The following PCDHA6 variants were observed in gnomAD, a reference collection of about 807,000 sequenced individuals.
The protein encoded by PCDHA6 is protocadherin alpha-6.
A neutral mutation model predicts 60.3 loss-of-function variants in PCDHA6; 55 were observed. That is an observed-to-expected ratio of 0.91 (90% confidence interval 0.73 to 1.14). The LOEUF is 1.14. PCDHA6 is among the 50% of genes most tolerant of loss of function. The pLI is 0.00. For synonymous variants in PCDHA6, 652 were observed against 557.9 expected (o/e 1.17, Z -2.38); for missense variants, 1,327 against 1,256.5 (o/e 1.06, Z -0.85).
Position 140,977,158 on chromosome 5 carries a change from A to G in PCDHA6, c.2395-1791A>G, listed in dbSNP as rs6862693. Among the ~76,000 whole-genome samples, 983 of 152,340 alleles carry G rather than the reference A, an allele frequency of 6.5e-3. 6 individuals carry two copies. The highest frequency in any genetic ancestry group is 0.023 in the African/African-American group (951 of 41,586). ...CAGTCCTGCTGGAACTGTGCCTTTC[A>G]GCAAAATGAGTTTGATGATTTCATT... On this transcript the variant is annotated intron_variant, in intron 1 of 3. Transcript: ENST00000529310.
Position 140,829,296 on chromosome 5 carries a change from A to G in PCDHA6, c.1205A>G (p.Lys402Arg). 6 of 1,614,222 alleles carry G rather than the reference A, an allele frequency of 3.7e-6. No individual in the cohort carries two copies. Among genetic ancestry groups the G allele is most frequent in the Non-Finnish European group, 5.1e-6 (6 of 1,180,046 alleles). Residue 402 changes from lysine (K) to arginine (R), a missense_variant, in exon 1 of 4, where the codon AAG becomes AGG. By Grantham distance (26) the Lys-to-Arg change is conservative. Coordinates refer to ENST00000529310, the MANE Select transcript of PCDHA6 (RefSeq NM_018909.4). ...HVPFKLVSTF[K>R]NYYSLVLDSA... Reference sequence around the variant, plus strand: ...CCTTTCAAGCTGGTGTCCACCTTCAAGAATTACTACTCGTTGGTGCTGGAC... The same window carrying G: ...CCTTTCAAGCTGGTGTCCACCTTCAGGAATTACTACTCGTTGGTGCTGGAC...
At chr5:140,951,560 C>T (rs2094602519) in intron 1 of PCDHA6, among the ~76,000 whole-genome samples, 1 of 151,998 alleles carries the variant, frequency 6.6e-6, no homozygotes. Flanking sequence ...AAGTGCTACG[C>T]ACTTTTAAAC....
chr5:140,991,075 G>A (rs2097430816), intron 3 of PCDHA6, among the ~76,000 whole-genome samples: 1 of 152,134 alleles, frequency 6.6e-6, no homozygotes, highest in Non-Finnish European at 1.5e-5. Flanking sequence ...CCATGTTTCA[G>A]ATAAAAAAAT....
rs1434426263 is a variant in PCDHA6, at chr5:140,852,473, T to A, written c.2394+21988T>A. On this transcript the variant is annotated intron_variant, in intron 1 of 3. Coordinates refer to ENST00000529310, the MANE Select transcript of PCDHA6 (RefSeq NM_018909.4). ...TTGTATTTTTAGTAGAGATGGGGTT[T>A]CATCATGTTGGCCAGGTTGGTCTCG... 6 of 195,480 alleles carry A rather than the reference T, an allele frequency of 3.1e-5. 1 individual carries two copies. The highest frequency in any genetic ancestry group is 6.2e-5 in the Non-Finnish European group (6 of 97,540). 12.1% of individuals were successfully genotyped at this position (195,480 alleles called of 1,614,324 possible). A position where few individuals can be genotyped will look rare whatever the true frequency, so the allele number is the denominator to read the frequency against.
At chr5:140,969,513 A>G (rs2096339726) in intron 1 of PCDHA6, 1 of 1,417,106 alleles carries the variant, frequency 7.1e-7, no homozygotes, top group Non-Finnish European at 9.4e-7. Context: ...ATAGCACTAA[A>G]GAATTGTTTT....
intron 1 of PCDHA6, chr5:140,877,777 C>T: frequency 6.2e-7 from 1 of 1,614,172 alleles, no homozygotes; most frequent in South Asian, 1.1e-5. Context: ...CAAGACGGAC[C>T]TCATGGCCTT....
intron 1 of PCDHA6, among the ~76,000 whole-genome samples, chr5:140,832,286 G>A (rs1312628580): frequency 6.6e-6 from 1 of 152,184 alleles, no homozygotes; most frequent in Non-Finnish European, 1.5e-5. Flanking sequence ...AGCATGAATG[G>A]TGTATTTGCC....
intron 1 of PCDHA6, chr5:140,866,000 TAA>T (rs1485805064): frequency 6.6e-6 from 1 of 152,190 alleles, no homozygotes; most frequent in Non-Finnish European, 1.5e-5. Flanking sequence ...TTTTTTATGT[TAA>T]GTGATTTTTT....
chr5:140,883,075 T>A (rs969917261), intron 1 of PCDHA6: 8 of 1,614,134 alleles, frequency 5.0e-6, no homozygotes, highest in Non-Finnish European at 6.8e-6. Flanking sequence ...CCACAGATCC[T>A]GATGATGGTA....
At chr5:140,919,910 A>C (rs1350361054) in intron 1 of PCDHA6, among the ~76,000 whole-genome samples, 1 of 152,204 alleles carries the variant, frequency 6.6e-6, no homozygotes. Flanking sequence ...GGATGAAATT[A>C]CCCTAAATTT....
In PCDHA6 at chr5:140,857,614, G is replaced by A. The variant is rs1554150351; in HGVS notation, c.2394+27129G>A. ...GCAAGGTGTACGCGCTGCAGCCGCT[G>A]GACCACGAGGAGCTGGAGCTGCTAC... On this transcript the variant is annotated intron_variant, in intron 1 of 3. Transcript: ENST00000529310. 4 of 1,596,618 alleles carry A rather than the reference G, an allele frequency of 2.5e-6. 1 individual carries two copies. Among genetic ancestry groups the A allele is most frequent in the South Asian group, 1.1e-5 (1 of 90,494 alleles).
chr5:140,973,755 G>A (rs1442337323), intron 1 of PCDHA6, among the ~76,000 whole-genome samples: 1 of 152,234 alleles, frequency 6.6e-6, no homozygotes, highest in Admixed American at 6.5e-5. Flanking sequence ...ACTCTGCAGG[G>A]ACACAGCCTG....
intron 1 of PCDHA6, among the ~76,000 whole-genome samples, chr5:140,941,795 T>G (rs1175900170): frequency 5.9e-5 from 9 of 152,226 alleles, no homozygotes; most frequent in Admixed American, 2.6e-4. Flanking sequence ...CCAAGAATAT[T>G]TAGTTGATTT....
intron 3 of PCDHA6, among the ~76,000 whole-genome samples, chr5:140,990,741 G>A (rs528078912): frequency 4.3e-4 from 65 of 152,270 alleles, no homozygotes; most frequent in African/African-American, 1.2e-3. Context: ...ACAGCCCTAG[G>A]GTGGATACCT....
intron 1 of PCDHA6, among the ~76,000 whole-genome samples, chr5:140,832,776 C>T (rs1336330219): frequency 4.6e-5 from 7 of 152,078 alleles, no homozygotes; most frequent in African/African-American, 1.7e-4. Flanking sequence ...GTAAGAGGTG[C>T]TAGAAAGGTA....
chr5:140,997,814 T>C (rs2097786801), intron 3 of PCDHA6, among the ~76,000 whole-genome samples: 1 of 152,212 alleles, frequency 6.6e-6, no homozygotes, highest in Admixed American at 6.5e-5. Context: ...GCTGTTGGTA[T>C]CTATGTTTTC....
intron 1 of PCDHA6, among the ~76,000 whole-genome samples, chr5:140,939,514 A>G (rs1280466076): frequency 2.0e-5 from 3 of 152,236 alleles, no homozygotes; most frequent in African/African-American, 7.2e-5. Flanking sequence ...TATAACATTA[A>G]TAGTTATAGA....
chr5:140,875,591 A>C, intron 1 of PCDHA6: 2 of 1,613,998 alleles, frequency 1.2e-6, no homozygotes, highest in Non-Finnish European at 1.7e-6. Context: ...GAGGAGGCCA[A>C]ACACGGCACC....
intron 1 of PCDHA6, among the ~76,000 whole-genome samples, chr5:140,931,879 T>A (rs1335268218): frequency 3.3e-5 from 5 of 151,966 alleles, no homozygotes; most frequent in Non-Finnish European, 7.4e-5. Flanking sequence ...TATTTATTGC[T>A]TTCATTTTAT....
Sources: gnomAD v4.1 joint callset for allele counts (sites outside exome capture counted in the v4.1 genomes callset) on GRCh38, gnomAD v4.1.1 for gene constraint, MANE v1.5 for transcripts, NCBI Gene and HGNC (gene_info 2026-07-23, HGNC 2026-07-21) for gene names.